OTOP3: variants seen among roughly 807,000 people sequenced by gnomAD.
OTOP3 encodes proton channel OTOP3.
Under a neutral mutation model 50.8 loss-of-function variants are expected in OTOP3, and 41 were observed. That is an observed-to-expected ratio of 0.81 (90% confidence interval 0.63 to 1.05). The LOEUF is 1.05. Among genes scored for constraint, OTOP3 ranks in the 50% least tolerant of loss-of-function variants. The pLI is 0.00. For missense variants in OTOP3, 788 were observed against 760.8 expected (o/e 1.04, Z -0.42); for synonymous variants, 320 against 324.4 (o/e 0.99, Z 0.14).
chr17:74,947,192 TCAA>T lies in OTOP3; in HGVS notation c.1285_1287del (p.Asn429del). ...GTGGCCAAGCGCCCGCATGAGCTGC[TCAA>T]CCGCCTCATCCTGGCCTACTCGCTG... On this transcript the variant is annotated inframe_deletion, in exon 6 of 7. Transcript: ENST00000328801. The T allele has an allele frequency of 6.2e-7, 1 of 1,613,928 alleles. No homozygotes were observed. Among genetic ancestry groups the T allele is most frequent in the Non-Finnish European group, 8.5e-7 (1 of 1,179,988 alleles).
intron 6 of OTOP3, 68 bp from the exon 7 acceptor site, chr17:74,949,178 C>A: frequency 6.5e-7 from 1 of 1,541,660 alleles, no homozygotes; most frequent in Non-Finnish European, 8.9e-7. Flanking sequence ...TGGGGGCTGC[C>A]TCCCCTGAAC....
chr17:74,935,916 A>C lies in OTOP3; in HGVS notation c.-6A>C. On this transcript the variant is annotated 5_prime_UTR_variant, in exon 1 of 7. Transcript: ENST00000328801. ...AGCGCCCGCAGTCGGTGGTTAGCCC[A>C]CGGCGATGCCTCTCCCGGCCTCAGG... The C allele has an allele frequency of 6.5e-7, 1 of 1,546,080 alleles. No homozygotes were observed. Among genetic ancestry groups the C allele is most frequent in the Non-Finnish European group, 8.7e-7 (1 of 1,146,710 alleles).
rs549857606 is a variant in OTOP3, at chr17:74,941,457, G to T, written c.84G>T (p.Lys28Asn). 1.3e-4 allele frequency: 208 copies of T among 1,599,810 alleles called. 1 individual carries two copies. The East Asian group carries it at 4.5e-3, about 35-fold the overall frequency. Residue 28 changes from lysine to asparagine, a missense_variant, in exon 2 of 7, where the codon AAG becomes AAT. Physicochemically the swap from Lys to Asn is moderately conservative, Grantham distance 94 (BLOSUM62 0). Coordinates refer to ENST00000328801, the MANE Select transcript of OTOP3 (RefSeq NM_001272005.2). ...AGGAGACTGAAGCAGCCCCGGAGAA[G>T]GAGAACCGAGTGGATGTGGGGGCCG... ...EAQETEAAPE[K>N]ENRVDVGAEE...
chr17:74,944,799 G>A (rs888480399), intron 5 of OTOP3, among the ~76,000 whole-genome samples: 3 of 152,090 alleles, frequency 2.0e-5, no homozygotes, highest in Non-Finnish European at 4.4e-5. Flanking sequence ...ATGAGTAGAA[G>A]AACAAGACAT....
Position 74,947,057 on chromosome 17 carries a change from A to T in OTOP3, c.1148A>T (p.Glu383Val), listed in dbSNP as rs900576559. 6.2e-7 allele frequency: 1 copy of T among 1,613,892 alleles called. No individual in the cohort carries two copies. The highest frequency in any genetic ancestry group is 8.5e-7 in the Non-Finnish European group (1 of 1,179,918). ...GGCACAGCCATACACGGGCTGGAGG[A>T]GAGAGAGCTGGACACGGTCAAGAAC... is the stretch of plus-strand genomic sequence containing the variant. Reference protein sequence around the residue: ...LAGTAIHGLEERELDTVKNPT... With the variant: ...LAGTAIHGLEVRELDTVKNPT... The change falls in exon 6 of 7, where the codon GAG becomes GTG. Residue 383 changes from glutamate (E) to valine (V), a missense_variant. Physicochemically the swap from Glu to Val is moderately radical, Grantham distance 121 (BLOSUM62 -2). Coordinates refer to ENST00000328801, the MANE Select transcript of OTOP3 (RefSeq NM_001272005.2).
rs752022454 is a variant in OTOP3 at position 74,941,877 on chromosome 17, A to G, written c.437-24A>G. The G allele has an allele frequency of 3.0e-5, 48 of 1,592,920 alleles. No homozygotes were observed. In the Admixed American group the frequency reaches 8.1e-4, roughly 27 times the overall value. ...GAGAGCCGGTTCCGCGCAGGTGCCA[A>G]CGCCCGCCCACATGTCCGGCCAGGT... On this transcript the variant is annotated intron_variant, in intron 2 of 6. Coordinates refer to ENST00000328801, the MANE Select transcript of OTOP3 (RefSeq NM_001272005.2).
Position 74,949,975 on chromosome 17 carries a change from A to ATTTG in OTOP3, c.*563_*566dup, listed in dbSNP as rs2039268870. 1 of 152,486 alleles carries ATTTG rather than the reference A, an allele frequency of 6.6e-6. No homozygotes were observed. Among genetic ancestry groups the ATTTG allele is most frequent in the Admixed American group, 6.5e-5 (1 of 15,282 alleles). 9.4% of individuals were successfully genotyped at this position (152,486 alleles called of 1,614,324 possible). On this transcript the variant is annotated 3_prime_UTR_variant, in exon 7 of 7. Coordinates refer to ENST00000328801, the MANE Select transcript of OTOP3 (RefSeq NM_001272005.2). Reference sequence around the variant, plus strand: ...AGCTCTCTCCTGCCGCATAAACCCTATTTGTTTAATGGATTGCATTCAGGC... The same window carrying ATTTG: ...AGCTCTCTCCTGCCGCATAAACCCTATTTGTTTGTTTAATGGATTGCATTCAGGC...
In OTOP3 at chr17:74,941,727, T is replaced by C; in HGVS notation, c.354T>C (p.Leu118=). 3 of 1,613,998 alleles carry C rather than the reference T, an allele frequency of 1.9e-6. No individual in the cohort carries two copies. The highest frequency in any genetic ancestry group is 1.7e-6 in the Non-Finnish European group (2 of 1,179,978). The part of the protein sequence containing the change: ...ATLKVLSLLW[L]LYYVASTTRR... ...TGAAGGTCCTCTCCCTGCTTTGGCT[T>C]CTCTACTATGTGGCAAGCACCACCC... Residue 118 remains leucine (L), a synonymous_variant, in exon 2 of 7, where the codon CTT becomes CTC. Coordinates refer to ENST00000328801, the MANE Select transcript of OTOP3 (RefSeq NM_001272005.2).
intron 6 of OTOP3, 122 bp from the exon 7 acceptor site, chr17:74,949,124 A>C (rs2144791853): frequency 1.0e-6 from 1 of 952,640 alleles, no homozygotes; most frequent in South Asian, 1.5e-5. Flanking sequence ...GGTTAGAAGA[A>C]GACTGAGCGG....
At chr17:74,938,862 G>T (rs574979580) in intron 1 of OTOP3, among the ~76,000 whole-genome samples, 8 of 152,226 alleles carry the variant, frequency 5.3e-5, no homozygotes, top group South Asian at 4.1e-4. Flanking sequence ...AGACTAGGTA[G>T]TGGTTGAGGT....
chr17:74,938,577 G>A (rs1383556044), intron 1 of OTOP3, among the ~76,000 whole-genome samples: 1 of 152,128 alleles, frequency 6.6e-6, no homozygotes, highest in Non-Finnish European at 1.5e-5. Flanking sequence ...AGATGGTATA[G>A]CCCAAGGAGA....
rs758095884 is a variant in OTOP3, at chr17:74,941,397, T to C, written c.24T>C (p.Pro8=). The C allele has an allele frequency of 6.7e-7, 1 of 1,501,534 alleles. No homozygotes were observed. Among genetic ancestry groups the C allele is most frequent in the Non-Finnish European group, 8.9e-7 (1 of 1,124,028 alleles). The allele number at this position is 1,501,534 out of a possible 1,614,324, so 93.0% of individuals were successfully genotyped here. Residue 8 remains proline (P), a synonymous_variant, in exon 2 of 7, where the codon CCT becomes CCC. Transcript: ENST00000328801. ...GGACCCTTTCTCCATCTCCAGCCCCTGCTGAGGCTACACCCATGCCTTCTT... is the reference window on the plus strand; with the variant it reads ...GGACCCTTTCTCCATCTCCAGCCCCCGCTGAGGCTACACCCATGCCTTCTT... MPLPASA[P]AEATPMPSSE...
Position 74,943,634 on chromosome 17 carries a change from A to G in OTOP3, c.661A>G (p.Asn221Asp). The G allele has an allele frequency of 6.2e-7, 1 of 1,613,824 alleles. No homozygotes were observed. Among genetic ancestry groups the G allele is most frequent in the Non-Finnish European group, 8.5e-7 (1 of 1,179,968 alleles). The change falls in exon 5 of 7, where the codon AAC (asparagine) becomes GAC (aspartate). Residue 221 changes from asparagine (N) to aspartate (D), a missense_variant. By Grantham distance (23) the Asn-to-Asp change is conservative. Transcript: ENST00000328801. ...TGGCCTGATGCTGACCCTGGCCACA[A>G]ACCTGCTGCTGTGGGTTCTGGCCGT... ...RCGLMLTLAT[N>D]LLLWVLAVTN...
intron 1 of OTOP3, among the ~76,000 whole-genome samples, chr17:74,940,335 G>C (rs1351958979): frequency 6.6e-6 from 1 of 151,820 alleles, no homozygotes; most frequent in Non-Finnish European, 1.5e-5. Context: ...CATAAGTACT[G>C]TGCTAATTTT....
At chr17:74,943,904 C>T (rs993748648) in intron 5 of OTOP3, among the ~76,000 whole-genome samples, 180 bp downstream of exon 5, 2 of 152,106 alleles carry the variant, frequency 1.3e-5, no homozygotes, top group African/African-American at 4.8e-5. Context: ...TGCCAGTGGT[C>T]CCCATCCCAC....
chr17:74,942,169 A>G, intron 3 of OTOP3, 132 bp downstream of exon 3: 1 of 1,121,718 alleles, frequency 8.9e-7, no homozygotes, highest in Non-Finnish European at 1.2e-6. Flanking sequence ...GTCTTTGCAC[A>G]CACACCACAC....
In OTOP3 at chr17:74,942,116, A is replaced by G. The variant is rs891712702; in HGVS notation, c.573+79A>G. On this transcript the variant is annotated intron_variant, in intron 3 of 6. Coordinates refer to ENST00000328801, the MANE Select transcript of OTOP3 (RefSeq NM_001272005.2). ...GCCATGCACACACCTCCCACTACCTATGCCTAGGAACAGCCACACAGGCAA... is the reference window on the plus strand; with the variant it reads ...GCCATGCACACACCTCCCACTACCTGTGCCTAGGAACAGCCACACAGGCAA... The G allele has an allele frequency of 7.3e-6, 11 of 1,499,396 alleles. No homozygotes were observed. The African/African-American group carries it at 1.5e-4, about 21-fold the overall frequency. 92.9% of individuals were successfully genotyped at this position (1,499,396 alleles called of 1,614,324 possible).
At chr17:74,937,600 G>T (rs938963087) in intron 1 of OTOP3, among the ~76,000 whole-genome samples, 1 of 152,100 alleles carries the variant, frequency 6.6e-6, no homozygotes, top group Non-Finnish European at 1.5e-5. Flanking sequence ...AAAGATCATC[G>T]GGAGTCTCCT....
intron 4 of OTOP3, 40 bp from the exon 5 acceptor site, chr17:74,943,566 C>T: frequency 1.3e-6 from 2 of 1,593,974 alleles, no homozygotes; most frequent in Non-Finnish European, 1.7e-6. Context: ...ACCTGGGGAG[C>T]CGGCCAGGGT....
Sources: gnomAD v4.1 joint callset for allele counts (sites outside exome capture counted in the v4.1 genomes callset) on GRCh38, gnomAD v4.1.1 for gene constraint, MANE v1.5 for transcripts, NCBI Gene and HGNC (gene_info 2026-07-23, HGNC 2026-07-21) for gene names.